Variants in BMP2K observed in about 807,000 individuals in gnomAD.
BMP2K encodes BMP-2-inducible protein kinase.
Under a neutral mutation model 116.0 loss-of-function variants are expected in BMP2K, and 74 were observed. The ratio of observed to expected loss-of-function variants is 0.64; its 90% confidence interval spans 0.53 to 0.77. The LOEUF (loss-of-function observed/expected upper bound fraction) is 0.77. Ranked by LOEUF, BMP2K falls within the 30% of genes least tolerant of loss-of-function variation. BMP2K has a pLI of 0.00. For missense variants in BMP2K, 1,365 were observed against 1,403.6 expected, an observed-to-expected ratio of 0.97 and a Z score of 0.44; for synonymous variants, 486 against 502.5, an observed-to-expected ratio of 0.97 and a Z score of 0.44.
chr4:78,866,532 AAATGGCTGTTT>A (rs2110052865), intron 10 of BMP2K, among the ~76,000 whole-genome samples: 1 of 152,330 alleles, frequency 6.6e-6, no homozygotes, highest in East Asian at 1.9e-4. Flanking sequence ...TGGGAGGATT[AAATGGCTGTTT>A]AATGTGCTAC....
chr4:78,895,452 G>A (rs555930692), intron 15 of BMP2K, among the ~76,000 whole-genome samples: 3 of 152,162 alleles, frequency 2.0e-5, no homozygotes, highest in African/African-American at 4.8e-5. Flanking sequence ...TTGATTAAAG[G>A]TTGAAATCCC....
rs114366171 is a variant in BMP2K at position 78,855,644 on chromosome 4, A to G, written c.884-3940A>G. ...GGGATTTTGTGCTTTTCTATGCAAT[A>G]TTGGTATAGGCATAATTAAATCAGT... On this transcript the variant is annotated intron_variant, in intron 7 of 15. Transcript: ENST00000502613. Among the ~76,000 whole-genome samples the G allele has an allele frequency of 8.2e-3, 1,255 of 152,286 alleles. 8 individuals carry two copies. Among genetic ancestry groups the G allele is most frequent in the Middle Eastern group, 0.02 (6 of 294 alleles).
At chr4:78,793,022 T>TA (rs1350473581) in intron 1 of BMP2K, among the ~76,000 whole-genome samples, 3 of 152,228 alleles carry the variant, frequency 2.0e-5, no homozygotes, top group African/African-American at 7.2e-5. Flanking sequence ...CCAACAGTCT[T>TA]CTATTAAGCC....
rs528421703 is a variant in BMP2K, at chr4:78,813,927, A to G, written c.179-12110A>G. On this transcript the variant is annotated intron_variant, in intron 1 of 15. Transcript: ENST00000502613. ...GATTTGCTTGTAGTTAGTCTTGTTC[A>G]TAGCACGTAGATCAGTATTTGGCAC... is the stretch of plus-strand genomic sequence containing the variant. Among the ~76,000 whole-genome samples, 75 of 152,330 alleles carry G rather than the reference A, an allele frequency of 4.9e-4. 1 individual carries two copies. The highest frequency in any genetic ancestry group is 9.8e-4 in the Admixed American group (15 of 15,298).
chr4:78,870,961 ACAGCAGCAGCAGCAACAGCAACAGCAG>A lies in BMP2K; in HGVS notation c.1425_1451del (p.Gln478_Gln486del), dbSNP rs776849681. 8 of 1,610,738 alleles carry A rather than the reference ACAGCAGCAGCAGCAACAGCAACAGCAG, an allele frequency of 5.0e-6. No homozygotes were observed. In the South Asian group the frequency reaches 5.5e-5, roughly 11 times the overall value. On this transcript the variant is annotated inframe_deletion, in exon 11 of 16. Transcript: ENST00000502613. ...AGCAGCAGCAGCAGCAGCAACAGCA[ACAGCAGCAGCAGCAACAGCAACAGCAG>A]CAGCAGCAGCAGCAGCAGCAGCACC...
At chr4:78,892,382 A>T (rs1274289754) in intron 15 of BMP2K, among the ~76,000 whole-genome samples, 1 of 152,174 alleles carries the variant, frequency 6.6e-6, no homozygotes, top group Non-Finnish European at 1.5e-5. Flanking sequence ...AGTTTTTAAT[A>T]ATGTTCCAGT....
intron 1 of BMP2K, among the ~76,000 whole-genome samples, chr4:78,788,732 T>A (rs905819002): frequency 6.6e-6 from 1 of 151,836 alleles, no homozygotes; most frequent in Admixed American, 6.6e-5. Context: ...GTGTATGGTA[T>A]TTTTTGCCTA....
Position 78,776,524 on chromosome 4 carries a change from T to G in BMP2K, c.-20T>G, listed in dbSNP as rs1008441799. 2.6e-6 allele frequency: 3 copies of G among 1,133,110 alleles called. No homozygotes were observed. The highest frequency in any genetic ancestry group is 3.3e-6 in the Non-Finnish European group (3 of 922,168). The allele number at this position is 1,133,110 out of a possible 1,614,324, so 70.2% of individuals were successfully genotyped here. A position where few individuals can be genotyped will look rare whatever the true frequency, so the allele number is the denominator to read the frequency against. On this transcript the variant is annotated 5_prime_UTR_variant, in exon 1 of 16. Transcript: ENST00000502613. ...TTGCCCTTGCACGCTCCCTGCGCCC[T>G]CCAGCTCGCCGGCGGGACCATGAAG... is the stretch of plus-strand genomic sequence containing the variant.
chr4:78,796,885 C>T (rs1331804785), intron 1 of BMP2K, among the ~76,000 whole-genome samples: 1 of 151,874 alleles, frequency 6.6e-6, no homozygotes, highest in Non-Finnish European at 1.5e-5. Flanking sequence ...AAAATGTGAC[C>T]GTGATGTAGG....
At chr4:78,881,295 T>G (rs904472667) in intron 14 of BMP2K, among the ~76,000 whole-genome samples, 2 of 152,204 alleles carry the variant, frequency 1.3e-5, no homozygotes, top group South Asian at 4.1e-4. Context: ...ATATTTAAAT[T>G]ATTAGTTTCT....
chr4:78,839,414 C>G (rs923000406), intron 3 of BMP2K, among the ~76,000 whole-genome samples: 2 of 152,176 alleles, frequency 1.3e-5, no homozygotes, highest in Non-Finnish European at 2.9e-5. Context: ...CAAAGAAAAT[C>G]ACATGACTGA....
At chr4:78,854,638 T>C (rs1169128006) in intron 7 of BMP2K, among the ~76,000 whole-genome samples, 1 of 152,052 alleles carries the variant, frequency 6.6e-6, no homozygotes, top group Non-Finnish European at 1.5e-5. Flanking sequence ...GCTCAGCTGA[T>C]CCTCCTGAGT....
At chr4:78,887,576 C>T (rs542296384) in intron 15 of BMP2K, among the ~76,000 whole-genome samples, 1 of 152,056 alleles carries the variant, frequency 6.6e-6, no homozygotes, top group South Asian at 2.1e-4. Context: ...TATTTTTATA[C>T]TTGGCTTTTG....
chr4:78,807,185 A>G (rs1728863069), intron 1 of BMP2K, among the ~76,000 whole-genome samples: 1 of 152,076 alleles, frequency 6.6e-6, no homozygotes, highest in African/African-American at 2.4e-5. Flanking sequence ...TTTTCCCTGC[A>G]TTTATTGAGA....
At chr4:78,816,605 C>A (rs1399795218) in intron 1 of BMP2K, among the ~76,000 whole-genome samples, 1 of 152,042 alleles carries the variant, frequency 6.6e-6, no homozygotes, top group Non-Finnish European at 1.5e-5. Context: ...ATTTTCAGTT[C>A]TTTGTAAATA....
Position 78,914,435 on chromosome 4 carries a change from C to G in BMP2K, c.*2402C>G, listed in dbSNP as rs1560564349. 6.6e-6 allele frequency: 1 copy of G among 151,822 alleles called. No homozygotes were observed. Among genetic ancestry groups the G allele is most frequent in the Non-Finnish European group, 1.5e-5 (1 of 67,888 alleles). The allele number at this position is 151,822 out of a possible 1,614,324, so 9.4% of individuals were successfully genotyped here. ...TCAATAGGATAGAAATGGAGAGATT[C>G]CTTTGTGTTGTAGTAGAGGCATTTT... is the stretch of plus-strand genomic sequence containing the variant. On this transcript the variant is annotated 3_prime_UTR_variant, in exon 16 of 16. Transcript: ENST00000502613.
chr4:78,801,857 A>G (rs983317894), intron 1 of BMP2K, among the ~76,000 whole-genome samples: 2 of 152,182 alleles, frequency 1.3e-5, no homozygotes, highest in African/African-American at 4.8e-5. Flanking sequence ...TTTTACATCT[A>G]TCGTCACTTT....
intron 1 of BMP2K, among the ~76,000 whole-genome samples, chr4:78,813,871 C>A (rs1301392064): frequency 2.6e-5 from 4 of 152,226 alleles, no homozygotes; most frequent in African/African-American, 7.2e-5. Flanking sequence ...TTCAGTCATT[C>A]TAGAATGTAA....
chr4:78,837,891 C>T (rs950351989), intron 3 of BMP2K, among the ~76,000 whole-genome samples: 1 of 152,176 alleles, frequency 6.6e-6, no homozygotes, highest in Non-Finnish European at 1.5e-5. Flanking sequence ...AGTCCTCCCA[C>T]CTCAGCCTCC....
Sources: gnomAD v4.1 joint callset for allele counts (sites outside exome capture counted in the v4.1 genomes callset) on GRCh38, gnomAD v4.1.1 for gene constraint, MANE v1.5 for transcripts, NCBI Gene and HGNC (gene_info 2026-07-23, HGNC 2026-07-21) for gene names.